The following SLC25A26 variants were observed in gnomAD, a reference collection of about 807,000 sequenced individuals.
SLC25A26 encodes the protein solute carrier family 25 member 26, also known as mitochondrial S-adenosylmethionine carrier protein.
A neutral mutation model predicts 37.8 loss-of-function variants in SLC25A26; 36 were observed. That is an observed-to-expected ratio of 0.95 (90% CI 0.73 to 1.26). The LOEUF is 1.26. SLC25A26 is among the 50% of genes most tolerant of loss of function. SLC25A26 has a pLI of 0.00. For missense variants in SLC25A26, 390 were observed against 331.1 expected (o/e 1.18, Z -1.38); for synonymous variants, 129 against 122.5 (o/e 1.05, Z -0.35).
intron 3 of SLC25A26, among the ~76,000 whole-genome samples, chr3:66,258,860 AATT>A (rs1190179230): frequency 1.7e-5 from 2 of 120,288 alleles, no homozygotes; most frequent in Non-Finnish European, 3.3e-5. Context: ...TTTTTTTTTT[AATT>A]ATTAACAGGA....
chr3:66,228,726 C>T (rs2071874064), intron 1 of SLC25A26, among the ~76,000 whole-genome samples: 1 of 152,162 alleles, frequency 6.6e-6, no homozygotes, highest in Admixed American at 6.5e-5. Flanking sequence ...AGTGCTTATG[C>T]AACTTTTTCA....
chr3:66,202,904 G>T (rs1000557743), intron 1 of SLC25A26, among the ~76,000 whole-genome samples: 3 of 152,150 alleles, frequency 2.0e-5, no homozygotes, highest in Non-Finnish European at 4.4e-5. Context: ...ACATTATTTT[G>T]CTTTGTTCAA....
At chr3:66,314,529 T>A in intron 5 of SLC25A26, among the ~76,000 whole-genome samples, 1 of 152,178 alleles carries the variant, frequency 6.6e-6, no homozygotes, top group Non-Finnish European at 1.5e-5. Flanking sequence ...TGTATTTTAT[T>A]GAGAATTTTT....
At chr3:66,317,565 C>G (rs535186889) in intron 5 of SLC25A26, among the ~76,000 whole-genome samples, 1 of 152,152 alleles carries the variant, frequency 6.6e-6, no homozygotes, top group Non-Finnish European at 1.5e-5. Flanking sequence ...AGGCTTTTGT[C>G]AGGAGGTCTC....
chr3:66,195,123 C>A (rs1197320987), intron 1 of SLC25A26, among the ~76,000 whole-genome samples: 3 of 152,212 alleles, frequency 2.0e-5, no homozygotes, highest in Non-Finnish European at 4.4e-5. Context: ...GTCACCTTCC[C>A]ACTGCTCCCC....
chr3:66,375,116 G>A (rs957667013), intron 9 of SLC25A26, among the ~76,000 whole-genome samples: 17 of 152,212 alleles, frequency 1.1e-4, no homozygotes, highest in African/African-American at 4.1e-4. Context: ...TAGAAGATCA[G>A]ACCGGCCACA....
intron 2 of SLC25A26, among the ~76,000 whole-genome samples, chr3:66,237,010 T>A (rs1237023930): frequency 6.6e-6 from 1 of 152,128 alleles, no homozygotes; most frequent in Non-Finnish European, 1.5e-5. Flanking sequence ...CTAATTTTTG[T>A]ACTTTTTGTA....
chr3:66,200,126 T>C (rs1213983574), intron 1 of SLC25A26, among the ~76,000 whole-genome samples: 2 of 152,332 alleles, frequency 1.3e-5, no homozygotes, highest in African/African-American at 4.8e-5. Flanking sequence ...AACAAATATA[T>C]AGTGGCTATT....
chr3:66,143,210 A>G (rs564428973), intron 1 of SLC25A26, among the ~76,000 whole-genome samples: 7 of 152,340 alleles, frequency 4.6e-5, no homozygotes, highest in African/African-American at 1.4e-4. Context: ...TTGTATGAAC[A>G]TAACACAATT....
intron 1 of SLC25A26, among the ~76,000 whole-genome samples, chr3:66,174,596 C>T (rs373805797): frequency 5.3e-5 from 8 of 151,876 alleles, no homozygotes; most frequent in East Asian, 1.9e-4. Context: ...CTGGCTAACA[C>T]GGTGAAACCC....
intron 1 of SLC25A26, among the ~76,000 whole-genome samples, chr3:66,170,697 A>T (rs926538900): frequency 1.4e-4 from 21 of 150,770 alleles, no homozygotes; most frequent in African/African-American, 4.9e-4. Flanking sequence ...TATTCCATCC[A>T]TCTATAATCC....
chr3:66,222,704 G>A (rs530142451), intron 1 of SLC25A26, among the ~76,000 whole-genome samples: 3 of 152,278 alleles, frequency 2.0e-5, no homozygotes, highest in South Asian at 2.1e-4. Context: ...GATCCATTTC[G>A]TCTGTGTAAG....
At chr3:66,197,280 T>C (rs2106805650) in intron 1 of SLC25A26, among the ~76,000 whole-genome samples, 1 of 152,262 alleles carries the variant, frequency 6.6e-6, no homozygotes, top group East Asian at 1.9e-4. Flanking sequence ...TGAAGGTCAG[T>C]GTCAGAGTCT....
chr3:66,260,693 G>C (rs2073493898), intron 3 of SLC25A26, among the ~76,000 whole-genome samples: 3 of 152,156 alleles, frequency 2.0e-5, no homozygotes, highest in African/African-American at 7.2e-5. Flanking sequence ...GTCTGCTCTT[G>C]CCAAGGCTAA....
chr3:66,340,275 G>C (rs2076179775), intron 5 of SLC25A26, among the ~76,000 whole-genome samples: 1 of 152,064 alleles, frequency 6.6e-6, no homozygotes, highest in African/African-American at 2.4e-5. Context: ...CAGAAAGTAT[G>C]AGACCTCCAG....
chr3:66,236,558 A>G lies in SLC25A26; in HGVS notation c.48A>G (p.Ala16=), dbSNP rs541570362. The G allele has an allele frequency of 2.8e-6, 4 of 1,451,902 alleles. No homozygotes were observed. In the African/African-American group the frequency reaches 4.3e-5, roughly 15 times the overall value. The allele number at this position is 1,451,902 out of a possible 1,614,324, so 89.9% of individuals were successfully genotyped here. ...TTTTTTCAAAGGCTGGTGGGGTAGC[A>G]GGTGTTTCTGTTGACTTGATATTAT... ...FVAALVAGGV[A]GVSVDLILFP... The change falls in exon 2 of 10, where the codon GCA becomes GCG. Residue 16 remains alanine, a synonymous_variant. Coordinates refer to ENST00000354883, the MANE Select transcript of SLC25A26 (RefSeq NM_001379210.1).
chr3:66,157,715 T>A (rs1320615081), intron 1 of SLC25A26, among the ~76,000 whole-genome samples: 2 of 152,224 alleles, frequency 1.3e-5, no homozygotes, highest in Non-Finnish European at 2.9e-5. Flanking sequence ...AATGACTACA[T>A]CACACTTACA....
intron 5 of SLC25A26, among the ~76,000 whole-genome samples, chr3:66,326,639 G>A (rs2075844894): frequency 6.6e-6 from 1 of 152,214 alleles, no homozygotes; most frequent in South Asian, 2.1e-4. Flanking sequence ...TGCTGGACAA[G>A]CCTGGGTTCC....
At chr3:66,180,843 A>C (rs2070690258) in intron 1 of SLC25A26, among the ~76,000 whole-genome samples, 1 of 152,166 alleles carries the variant, frequency 6.6e-6, no homozygotes, top group Non-Finnish European at 1.5e-5. Context: ...CCCCAGTGTG[A>C]CTGTATTTGG....
Sources: gnomAD v4.1 joint callset for allele counts (sites outside exome capture counted in the v4.1 genomes callset) on GRCh38, gnomAD v4.1.1 for gene constraint, MANE v1.5 for transcripts, NCBI Gene and HGNC (gene_info 2026-07-23, HGNC 2026-07-21) for gene names.